Variants in SLIT1 observed in about 807,000 individuals in gnomAD.
SLIT1 encodes slit guidance ligand 1.
Under a neutral mutation model 186.1 loss-of-function variants are expected in SLIT1, and 66 were observed. The ratio of observed to expected loss-of-function variants is 0.35; its 90% CI spans 0.29 to 0.44. The LOEUF (loss-of-function observed/expected upper bound fraction) is 0.44, where lower values mean the gene tolerates loss of function less well. Among genes scored for constraint, SLIT1 ranks in the 20% least tolerant of loss-of-function variants. The probability of loss-of-function intolerance (pLI) is 1.00; values close to 1 mark genes in which losing one functional copy is unlikely to be tolerated. For synonymous variants in SLIT1, 761 were observed against 833.8 expected, an observed-to-expected ratio of 0.91 and a Z score of 1.50; for missense variants, 1,638 against 2,037.4, an observed-to-expected ratio of 0.80 and a Z score of 3.77.
At chr10:97,023,967 G>C (rs35736823) in intron 25 of SLIT1, among the ~76,000 whole-genome samples, 8,432 of 151,978 alleles carry the variant, frequency 0.055, 338 homozygotes, top group South Asian at 0.18. Context: ...AAGAGAGAGA[G>C]AGGAAGGAAG....
chr10:97,129,383 C>CAA (rs57535501), intron 4 of SLIT1, among the ~76,000 whole-genome samples: 6 of 137,548 alleles, frequency 4.4e-5, no homozygotes, highest in African/African-American at 1.7e-4. Flanking sequence ...GACTGTGTCT[C>CAA]AAAAAAAAAA....
intron 28 of SLIT1, 136 bp from the exon 29 acceptor site, chr10:97,014,294 G>A (rs998672676): frequency 2.1e-6 from 2 of 955,272 alleles, no homozygotes; most frequent in Non-Finnish European, 3.2e-6. Flanking sequence ...TGCTGGGTAG[G>A]GTTAGAGGTG....
intron 1 of SLIT1, among the ~76,000 whole-genome samples, chr10:97,179,640 C>A (rs141417623): frequency 7.2e-4 from 109 of 152,316 alleles, no homozygotes; most frequent in Middle Eastern, 3.4e-3. Context: ...CACTTTTGTT[C>A]TTTCTCCCTC....
chr10:97,148,438 A>C (rs1849840465), intron 4 of SLIT1, among the ~76,000 whole-genome samples: 1 of 148,732 alleles, frequency 6.7e-6, no homozygotes, highest in Non-Finnish European at 1.5e-5. Flanking sequence ...ACAGGTGCAC[A>C]TCACCATGCC....
At position 97,003,290 on chromosome 10, in the gene SLIT1, C is replaced by T. The variant is rs1017116128; in HGVS notation, c.3866-298G>A. On this transcript the variant is annotated intron_variant, in intron 34 of 36. Coordinates refer to ENST00000266058, the MANE Select transcript of SLIT1 (RefSeq NM_003061.3). Reference sequence around the variant, plus strand: ...TAAAGTCTGGCTTCCCTCGCCAAGGCGCCTTCTCTCCCTGGGACGCTAGCT... The same window carrying T: ...TAAAGTCTGGCTTCCCTCGCCAAGGTGCCTTCTCTCCCTGGGACGCTAGCT... Among the ~76,000 whole-genome samples, 8 of 152,354 alleles carry T rather than the reference C, an allele frequency of 5.3e-5. No individual in the cohort carries two copies. In the South Asian group the frequency reaches 8.3e-4, roughly 16 times the overall value.
intron 8 of SLIT1, among the ~76,000 whole-genome samples, chr10:97,062,131 T>C (rs1346025038): frequency 6.6e-6 from 1 of 152,240 alleles, no homozygotes; most frequent in African/African-American, 2.4e-5. Flanking sequence ...CTAAAAACTG[T>C]GGCAGCTGCA....
intron 4 of SLIT1, among the ~76,000 whole-genome samples, chr10:97,070,261 G>A (rs962546850): frequency 3.3e-5 from 5 of 152,340 alleles, no homozygotes; most frequent in Admixed American, 2.0e-4. Context: ...GAAGTCATTG[G>A]TTACGCACAA....
Position 97,010,968 on chromosome 10 carries a change from C to G in SLIT1, c.3341+25G>C. On this transcript the variant is annotated intron_variant, in intron 31 of 36. Coordinates refer to ENST00000266058, the MANE Select transcript of SLIT1 (RefSeq NM_003061.3). This position sits in a 1 kb window ranked among gnomAD's most constrained non-coding sequence, Gnocchi z 4.8. ...GGGCTGACAGCCACAAGGAGTCACT[C>G]CTAGTGTGTCCAGGGGCTGCTCACC... 2 of 1,612,006 alleles carry G rather than the reference C, an allele frequency of 1.2e-6. No homozygotes were observed. Among genetic ancestry groups the G allele is most frequent in the Non-Finnish European group, 1.7e-6 (2 of 1,178,816 alleles).
rs1229443226 is a variant in SLIT1, at chr10:97,001,423, G to A, written c.4367-73C>T. 3.6e-6 allele frequency: 4 copies of A among 1,106,584 alleles called. No homozygotes were observed. The African/African-American group carries it at 6.2e-5, about 17-fold the overall frequency. The allele number at this position is 1,106,584 out of a possible 1,614,324, so 68.5% of individuals were successfully genotyped here. On this transcript the variant is annotated intron_variant, in intron 36 of 36. Transcript: ENST00000266058. ...TGAGCTGCTGCCTCCAGGGAGGCAG[G>A]AGGAAGAGGAGGAGGAGGGCAGCAT...
At chr10:97,059,818 A>G (rs1482828271) in intron 10 of SLIT1, among the ~76,000 whole-genome samples, 1 of 152,094 alleles carries the variant, frequency 6.6e-6, no homozygotes, top group East Asian at 1.9e-4. Flanking sequence ...AATTGCTCCT[A>G]TTGGTACCCA....
intron 28 of SLIT1, among the ~76,000 whole-genome samples, chr10:97,015,967 G>T (rs1030044253): frequency 1.3e-5 from 2 of 152,152 alleles, no homozygotes. Context: ...AAAGAACAAG[G>T]TAAAATGTTT....
intron 11 of SLIT1, among the ~76,000 whole-genome samples, chr10:97,059,030 T>C (rs1051892835): frequency 2.6e-5 from 4 of 152,194 alleles, no homozygotes; most frequent in African/African-American, 9.7e-5. Context: ...GGATAAAAGA[T>C]AGCAAGTTGT....
chr10:97,040,478 G>A (rs1848681163), intron 20 of SLIT1, among the ~76,000 whole-genome samples: 1 of 152,114 alleles, frequency 6.6e-6, no homozygotes, highest in Non-Finnish European at 1.5e-5. Flanking sequence ...AGTTAGGGGT[G>A]CAGCATCGCC....
chr10:97,109,757 T>G (rs1849447746), intron 4 of SLIT1, among the ~76,000 whole-genome samples: 1 of 152,174 alleles, frequency 6.6e-6, no homozygotes, highest in Admixed American at 6.5e-5. Flanking sequence ...TGATCAGTCA[T>G]CTCATTTCCC....
chr10:97,164,661 AT>A (rs1361898010), intron 2 of SLIT1, among the ~76,000 whole-genome samples, 157 bp downstream of exon 2: 1 of 152,044 alleles, frequency 6.6e-6, no homozygotes, highest in Non-Finnish European at 1.5e-5. Context: ...AAGACTCAAC[AT>A]CACCCCACCC....
rs1327825078 is a variant in SLIT1 at position 97,002,331 on chromosome 10, G to A, written c.4193C>T (p.Ser1398Phe). 9 of 1,611,028 alleles carry A rather than the reference G, an allele frequency of 5.6e-6. No homozygotes were observed. Among genetic ancestry groups the A allele is most frequent in the Non-Finnish European group, 7.6e-6 (9 of 1,179,480 alleles). Reference sequence around the variant, plus strand: ...CCCATCCTGGCACTGGCAGCTGTAGGAAAGAGCGTCGAGGGGCACGCATTG... The same window carrying A: ...CCCATCCTGGCACTGGCAGCTGTAGAAAAGAGCGTCGAGGGGCACGCATTG... Reference protein sequence around the residue: ...HGQCVPLDALSYSCQCQDGYS... With the variant: ...HGQCVPLDALFYSCQCQDGYS... Residue 1398 changes from serine to phenylalanine, a missense_variant, in exon 36 of 37, where the codon TCC becomes TTC. Transcript: ENST00000266058.
intron 1 of SLIT1, among the ~76,000 whole-genome samples, chr10:97,180,251 A>T (rs1021917800): frequency 6.6e-6 from 1 of 152,184 alleles, no homozygotes; most frequent in African/African-American, 2.4e-5. Context: ...TAATACTACC[A>T]TTTATTGAGC....
At chr10:97,061,915 G>C (rs1564665264) in intron 8 of SLIT1, among the ~76,000 whole-genome samples, 1 of 152,114 alleles carries the variant, frequency 6.6e-6, no homozygotes, top group Non-Finnish European at 1.5e-5. Context: ...TGCCCCAAAG[G>C]GTGGGCACCA....
At chr10:97,059,700 T>G (rs1848874107) in intron 10 of SLIT1, 169 bp from the exon 11 acceptor site, 1 of 656,240 alleles carries the variant, frequency 1.5e-6, no homozygotes, top group Admixed American at 2.2e-5. Flanking sequence ...TGGCCGCTAT[T>G]TCCCTGTGCA....
Sources: allele counts gnomAD v4.1 joint callset (sites outside exome capture counted in the v4.1 genomes callset), GRCh38; gene constraint gnomAD v4.1.1; non-coding constraint Gnocchi (gnomAD v3.1); transcripts MANE v1.5; gene names NCBI Gene and HGNC (gene_info 2026-07-23, HGNC 2026-07-21).